PCDH7: variants seen among roughly 807,000 people sequenced by gnomAD.
The protein encoded by PCDH7 is protocadherin 7, also known as protocadherin-7.
Under a neutral mutation model 58.9 loss-of-function variants are expected in PCDH7, and 17 were observed. The ratio of observed to expected loss-of-function variants is 0.29; its 90% CI spans 0.20 to 0.43. The LOEUF is 0.43. PCDH7 is among the 20% of genes least tolerant of loss of function. PCDH7 has a pLI of 1.00. For synonymous variants in PCDH7, 664 were observed against 616.4 expected, an observed-to-expected ratio of 1.08 and a Z score of -1.14; for missense variants, 1,274 against 1,441.0, an observed-to-expected ratio of 0.88 and a Z score of 1.88.
At chr4:31,002,350 G>A (rs1017592378) in intron 3 of PCDH7, among the ~76,000 whole-genome samples, 6 of 152,154 alleles carry the variant, frequency 3.9e-5, no homozygotes, top group South Asian at 2.1e-4. Flanking sequence ...GCAGCAACAC[G>A]CACAATTTAA....
intron 3 of PCDH7, among the ~76,000 whole-genome samples, chr4:31,109,016 C>G (rs1430201594): frequency 6.6e-6 from 1 of 152,110 alleles, no homozygotes; most frequent in Non-Finnish European, 1.5e-5. Flanking sequence ...TTCCATTTGT[C>G]CTTTCCTGGG....
chr4:30,722,584 C>T lies in PCDH7; in HGVS notation c.1162C>T (p.Arg388Cys), dbSNP rs1183255902. The T allele has an allele frequency of 1.9e-6, 3 of 1,612,984 alleles. No individual in the cohort carries two copies. Among genetic ancestry groups the T allele is most frequent in the Non-Finnish European group, 1.7e-6 (2 of 1,180,016 alleles). ...CCAGCTGCGCTTCACGGTCATGGCC[C>T]GCGACCGCGGGCAGCCCCCCAAGAC... Residue 388 changes from arginine (R) to cysteine (C), a missense_variant, in exon 1 of 2, where the codon CGC becomes TGC. Around this residue, in one of 3 missense-constraint regions of PCDH7, gnomAD observed 731 missense variants for 881.9 expected, o/e 0.83. Coordinates refer to ENST00000361762, the Ensembl canonical transcript of PCDH7. The surrounding 1 kb of genome is among the most constrained non-coding windows in gnomAD (Gnocchi z 7.6).
At chr4:30,783,423 A>G (rs2109291380) in intron 1 of PCDH7, among the ~76,000 whole-genome samples, 1 of 152,368 alleles carries the variant, frequency 6.6e-6, no homozygotes, top group East Asian at 1.9e-4. Flanking sequence ...AAGGAAAAAG[A>G]TAATGAATAT....
chr4:30,754,944 G>A (rs762714584), intron 1 of PCDH7, among the ~76,000 whole-genome samples: 4 of 152,180 alleles, frequency 2.6e-5, no homozygotes, highest in South Asian at 2.1e-4. Context: ...CAGGCAAGGT[G>A]TGTGTAGGCT....
intron 1 of PCDH7, among the ~76,000 whole-genome samples, chr4:30,874,222 G>A (rs981155490): frequency 9.2e-5 from 14 of 151,786 alleles, no homozygotes; most frequent in Non-Finnish European, 1.8e-4. Flanking sequence ...TATAAATCAT[G>A]CTGCTATAAA....
intron 1 of PCDH7, among the ~76,000 whole-genome samples, chr4:30,817,855 A>T (rs1324615518): frequency 6.6e-6 from 1 of 152,110 alleles, no homozygotes. Flanking sequence ...TAGCCAGAAC[A>T]CTTCTTTTAA....
At chr4:31,000,466 A>T (rs941559868) in intron 3 of PCDH7, among the ~76,000 whole-genome samples, 1 of 152,152 alleles carries the variant, frequency 6.6e-6, no homozygotes, top group African/African-American at 2.4e-5. Context: ...TCACCAAAAT[A>T]GGCAGTTTAA....
intron 1 of PCDH7, among the ~76,000 whole-genome samples, chr4:30,885,405 A>G (rs1049002034): frequency 6.6e-6 from 1 of 152,146 alleles, no homozygotes; most frequent in African/African-American, 2.4e-5. Context: ...AATCAAATGA[A>G]TTAATAAGGG....
intron 3 of PCDH7, among the ~76,000 whole-genome samples, chr4:31,077,077 G>A (rs974062658): frequency 9.2e-5 from 14 of 152,208 alleles, no homozygotes; most frequent in African/African-American, 3.1e-4. Context: ...ATGCATATAT[G>A]TATATACATA....
intron 1 of PCDH7, among the ~76,000 whole-genome samples, chr4:30,750,663 G>T (rs777265877): frequency 1.3e-5 from 2 of 152,042 alleles, no homozygotes; most frequent in Non-Finnish European, 2.9e-5. Context: ...ACTTTCTACT[G>T]TATGCCCTTA....
At chr4:30,826,741 T>G (rs145495805) in intron 1 of PCDH7, among the ~76,000 whole-genome samples, 1,670 of 152,166 alleles carry the variant, frequency 0.011, 30 homozygotes, top group African/African-American at 0.037. Context: ...TTACTTTATT[T>G]TTGAGACAGG....
chr4:30,995,345 T>G (rs1751794224), intron 3 of PCDH7, among the ~76,000 whole-genome samples: 1 of 152,166 alleles, frequency 6.6e-6, no homozygotes, highest in East Asian at 1.9e-4. Flanking sequence ...ACCCTGTCTC[T>G]ACTAAAAATA....
intron 3 of PCDH7, among the ~76,000 whole-genome samples, chr4:31,082,839 G>T (rs371203783): frequency 2.6e-5 from 4 of 152,074 alleles, no homozygotes; most frequent in South Asian, 2.1e-4. Context: ...CGGTGGCTCA[G>T]GCCTGTAATC....
chr4:31,051,573 T>C (rs930775087), intron 3 of PCDH7, among the ~76,000 whole-genome samples: 2 of 151,158 alleles, frequency 1.3e-5, no homozygotes, highest in Admixed American at 1.3e-4. Context: ...TACAGCTTGA[T>C]TCTATTTCTT....
downstream of PCDH7, chr4:31,144,884 C>A (rs1337550494): frequency 6.6e-6 from 1 of 152,014 alleles, no homozygotes; most frequent in African/African-American, 2.4e-5. Flanking sequence ...TGGAAAGATG[C>A]AATTCTAGTA....
intron 3 of PCDH7, among the ~76,000 whole-genome samples, chr4:30,970,887 T>G (rs1360635043): frequency 6.6e-6 from 1 of 152,150 alleles, no homozygotes; most frequent in Non-Finnish European, 1.5e-5. Flanking sequence ...TCTGTCTAAG[T>G]TTTATGTTCC....
intron 3 of PCDH7, among the ~76,000 whole-genome samples, chr4:31,099,899 G>A (rs116584482): frequency 0.016 from 2,375 of 152,146 alleles, 57 homozygotes; most frequent in African/African-American, 0.054. Flanking sequence ...TCTGGTAGGA[G>A]GGTAATGTGA....
intron 3 of PCDH7, among the ~76,000 whole-genome samples, chr4:31,005,147 A>G (rs1035451160): frequency 3.9e-5 from 6 of 152,198 alleles, no homozygotes; most frequent in Admixed American, 3.9e-4. Flanking sequence ...ATCTTGTAAA[A>G]GTGCTGGACG....
chr4:30,788,100 G>A (rs540999395), intron 1 of PCDH7, among the ~76,000 whole-genome samples: 8 of 152,130 alleles, frequency 5.3e-5, no homozygotes, highest in African/African-American at 1.2e-4. Context: ...CTCACATAGC[G>A]GCAGGATGTG....
Sources: allele counts gnomAD v4.1 joint callset (sites outside exome capture counted in the v4.1 genomes callset), GRCh38; gene constraint gnomAD v4.1.1; regional missense constraint gnomAD v4.1.1; non-coding constraint Gnocchi (gnomAD v3.1); transcripts MANE v1.5; gene names NCBI Gene and HGNC (gene_info 2026-07-23, HGNC 2026-07-21).